Variants in APBA2 observed in about 807,000 individuals in gnomAD.
APBA2 encodes the protein amyloid-beta A4 precursor protein-binding family A member 2.
A neutral mutation model predicts 75.0 loss-of-function variants in APBA2; 30 were observed. That is an observed-to-expected ratio of 0.40 (90% CI 0.30 to 0.54). APBA2 has a LOEUF of 0.54. APBA2 is among the 20% of genes least tolerant of loss of function. The pLI is 0.49. For synonymous variants in APBA2, 444 were observed against 409.6 expected (o/e 1.08, Z -1.01); for missense variants, 801 against 1,016.1 (o/e 0.79, Z 2.88).
At chr15:28,903,327 C>T (rs914733660) in intron 1 of APBA2, among the ~76,000 whole-genome samples, 7 of 152,132 alleles carry the variant, frequency 4.6e-5, no homozygotes, top group South Asian at 2.1e-4. Context: ...TGCGGTTGAC[C>T]GTCCAGTGAG....
chr15:29,056,665 T>TCTC, intron 4 of APBA2, among the ~76,000 whole-genome samples: 2 of 126,872 alleles, frequency 1.6e-5, no homozygotes, highest in Middle Eastern at 8.1e-3. Flanking sequence ...CTCTCTCTCT[T>TCTC]TCTTTCTTTC....
At position 28,918,988 on chromosome 15, in the gene APBA2, T is replaced by C. The variant is rs1358119591; in HGVS notation, c.-204-2652T>C. ...CATTCTCCTGCCTCAGCCTCCGGAG[T>C]AGCTGGGACTACAGGCGCCCGCCAC... On this transcript the variant is annotated intron_variant, in intron 1 of 14. Coordinates refer to ENST00000683413, the MANE Select transcript of APBA2 (RefSeq NM_001353788.2). The surrounding 1 kb of genome is among the most constrained non-coding windows in gnomAD (Gnocchi z 4.2). Among the ~76,000 whole-genome samples the C allele has an allele frequency of 6.6e-6, 1 of 151,360 alleles. No individual in the cohort carries two copies. The highest frequency in any genetic ancestry group is 1.5e-5 in the Non-Finnish European group (1 of 67,952).
At chr15:29,040,239 T>C (rs1373343918) in intron 3 of APBA2, among the ~76,000 whole-genome samples, 1 of 152,248 alleles carries the variant, frequency 6.6e-6, no homozygotes, top group Non-Finnish European at 1.5e-5. Context: ...TCCCCATTTT[T>C]TTCTCTTTCT....
At chr15:29,106,872 C>A in intron 12 of APBA2, 53 bp downstream of exon 12, 1 of 1,541,082 alleles carries the variant, frequency 6.5e-7, no homozygotes, top group Non-Finnish European at 8.9e-7. Context: ...TGCCTCACTT[C>A]ATCCCCACTT....
chr15:29,002,668 A>G (rs1040979009), intron 3 of APBA2, among the ~76,000 whole-genome samples: 2 of 152,038 alleles, frequency 1.3e-5, no homozygotes, highest in African/African-American at 4.8e-5. Context: ...TTCATTGTTC[A>G]TCTAAAAGTG....
intron 4 of APBA2, among the ~76,000 whole-genome samples, chr15:29,067,263 C>A (rs953504745): frequency 1.3e-5 from 2 of 152,166 alleles, no homozygotes. Context: ...AATATCCAAA[C>A]TATATCACCC....
At chr15:28,938,865 A>G (rs576740942) in intron 2 of APBA2, among the ~76,000 whole-genome samples, 22 of 152,368 alleles carry the variant, frequency 1.4e-4, no homozygotes, top group African/African-American at 4.8e-4. Context: ...AAGTACACAT[A>G]ACATAAAATA....
intron 3 of APBA2, among the ~76,000 whole-genome samples, chr15:29,044,114 T>A (rs2041185892): frequency 6.6e-6 from 1 of 152,206 alleles, no homozygotes; most frequent in Non-Finnish European, 1.5e-5. Flanking sequence ...TGTTTCTCAT[T>A]TGTATGATAC....
rs527845151 is a variant in APBA2, at chr15:28,954,934, G to T, written c.-95+33185G>T. On this transcript the variant is annotated intron_variant, in intron 2 of 14. Transcript: ENST00000683413. ...GAGGGTCCCTCACTCTGGCCCTCAGGGCCATGTGCATGTGGACACCGACTG... is the reference window on the plus strand; with the variant it reads ...GAGGGTCCCTCACTCTGGCCCTCAGTGCCATGTGCATGTGGACACCGACTG... Among the ~76,000 whole-genome samples the T allele has an allele frequency of 2.8e-4, 43 of 152,206 alleles. 1 individual carries two copies. The highest frequency in any genetic ancestry group is 8.3e-4 in the South Asian group (4 of 4,822).
chr15:28,984,746 C>CCA (rs1366529034), intron 2 of APBA2, among the ~76,000 whole-genome samples: 4 of 139,770 alleles, frequency 2.9e-5, no homozygotes, highest in African/African-American at 1.3e-4. Flanking sequence ...CTCTGTCTCT[C>CCA]TATCTCTCTC....
chr15:29,015,564 A>T (rs1162568938), intron 3 of APBA2, among the ~76,000 whole-genome samples: 1 of 152,230 alleles, frequency 6.6e-6, no homozygotes, highest in Non-Finnish European at 1.5e-5. Context: ...GATCATTGTT[A>T]GTGGAGAACT....
chr15:29,024,623 C>T (rs750136952), intron 3 of APBA2, among the ~76,000 whole-genome samples: 6 of 152,158 alleles, frequency 3.9e-5, no homozygotes, highest in Non-Finnish European at 7.4e-5. Context: ...CTAGCTCTTG[C>T]GCTTCTTGTA....
intron 2 of APBA2, among the ~76,000 whole-genome samples, chr15:28,953,211 C>T (rs762173270): frequency 2.6e-5 from 4 of 152,278 alleles, no homozygotes; most frequent in East Asian, 1.9e-4. Context: ...CCTCTCCTCC[C>T]GAGTTGGAAA....
chr15:29,098,564 T>C lies in APBA2; in HGVS notation c.1326T>C (p.Asn442=). 1 of 1,613,760 alleles carries C rather than the reference T, an allele frequency of 6.2e-7. No individual in the cohort carries two copies. Among genetic ancestry groups the C allele is most frequent in the Non-Finnish European group, 8.5e-7 (1 of 1,179,654 alleles). Residue 442 remains asparagine (N), a synonymous_variant, in exon 9 of 15, where the codon AAT becomes AAC. Transcript: ENST00000683413. The part of the protein sequence containing the change: ...FISTQRIKVL[N]ADTQETMMDH... Reference sequence around the variant, plus strand: ...CCACCCAGAGGATCAAGGTTTTAAATGCAGACACGCAGGTAAGCGTTTAAG... The same window carrying C: ...CCACCCAGAGGATCAAGGTTTTAAACGCAGACACGCAGGTAAGCGTTTAAG...
At chr15:28,913,052 C>T (rs1283168817) in intron 1 of APBA2, among the ~76,000 whole-genome samples, 1 of 152,192 alleles carries the variant, frequency 6.6e-6, no homozygotes, top group African/African-American at 2.4e-5. Flanking sequence ...GGACAGGGAC[C>T]ATTGCGTTTT....
rs530927331 is a variant in APBA2, at chr15:28,898,222, A to G, written c.-205+11944A>G. 2.6e-5 allele frequency among the ~76,000 whole-genome samples: 4 copies of G among 152,296 alleles called. No individual in the cohort carries two copies. The East Asian group carries it at 7.7e-4, about 29-fold the overall frequency. ...AGAAGAAATGTGTTTTCAGCCACCC[A>G]GTTTTGTGGTCATTTGTCACAGCAA... On this transcript the variant is annotated intron_variant, in intron 1 of 14. Transcript: ENST00000683413.
chr15:29,002,960 A>G (rs2038927807), intron 3 of APBA2, among the ~76,000 whole-genome samples: 1 of 152,138 alleles, frequency 6.6e-6, no homozygotes, highest in Non-Finnish European at 1.5e-5. Context: ...CGGGCGTTCC[A>G]GGCAAACAAG....
chr15:28,982,825 C>T (rs767804582), intron 2 of APBA2, among the ~76,000 whole-genome samples: 4 of 152,212 alleles, frequency 2.6e-5, no homozygotes, highest in Admixed American at 6.5e-5. Context: ...GGGCTGCCTA[C>T]AGGGCTGGTG....
At chr15:29,042,895 G>A (rs1246855997) in intron 3 of APBA2, among the ~76,000 whole-genome samples, 1 of 152,102 alleles carries the variant, frequency 6.6e-6, no homozygotes, top group African/African-American at 2.4e-5. Flanking sequence ...TCTCCAGCAT[G>A]TTAAGAAAAA....
Sources: allele counts gnomAD v4.1 joint callset (sites outside exome capture counted in the v4.1 genomes callset), GRCh38; gene constraint gnomAD v4.1.1; non-coding constraint Gnocchi (gnomAD v3.1); transcripts MANE v1.5; gene names NCBI Gene and HGNC (gene_info 2026-07-23, HGNC 2026-07-21).